Variants in FBXO42 observed in about 807,000 individuals in gnomAD.
The protein encoded by FBXO42 is F-box protein 42, also known as F-box only protein 42.
A neutral mutation model predicts 71.7 loss-of-function variants in FBXO42; 12 were observed. That is an observed-to-expected ratio of 0.17 (90% CI 0.11 to 0.27). The LOEUF is 0.27. FBXO42 is among the 10% of genes least tolerant of loss of function. The pLI is 1.00. For missense variants in FBXO42, 707 were observed against 911.9 expected (o/e 0.78, Z 2.89); for synonymous variants, 325 against 327.5 (o/e 0.99, Z 0.08).
rs370377403 is a variant in FBXO42, at chr1:16,250,717, A to C, written c.2107T>G (p.Tyr703Asp). 2 of 1,614,020 alleles carry C rather than the reference A, an allele frequency of 1.2e-6. No individual in the cohort carries two copies. The highest frequency in any genetic ancestry group is 2.7e-5 in the African/African-American group (2 of 74,898). Reference protein sequence around the residue: ...GLMDKKQNVKYYPKTNALYFV... With the variant: ...GLMDKKQNVKDYPKTNALYFV... ...TACAAGGCGTTTGTTTTTGGATAGT[A>C]CTTCACATTCTGTTTCTTGTCCATG... is the stretch of plus-strand genomic sequence containing the variant. The change falls in exon 10 of 10, where the codon TAC becomes GAC. Residue 703 changes from tyrosine (Y) to aspartate (D), a missense_variant. Physicochemically the swap from Tyr to Asp is radical, Grantham distance 160. Coordinates refer to ENST00000375592, the MANE Select transcript of FBXO42 (RefSeq NM_018994.3). The surrounding 1 kb of genome is among the most constrained non-coding windows in gnomAD (Gnocchi z 4.7).
chr1:16,279,972 G>A (rs1262510931), intron 4 of FBXO42, among the ~76,000 whole-genome samples: 1 of 151,344 alleles, frequency 6.6e-6, no homozygotes, highest in Non-Finnish European at 1.5e-5. Flanking sequence ...TCAGCCTCCT[G>A]GGTAGCTGGG....
At chr1:16,254,970 T>C (rs2081624646) in intron 6 of FBXO42, among the ~76,000 whole-genome samples, 1 of 152,242 alleles carries the variant, frequency 6.6e-6, no homozygotes, top group East Asian at 1.9e-4. Flanking sequence ...GCCCTTTACA[T>C]GTGGCTCAAC....
At chr1:16,268,887 A>G (rs1254424134) in intron 4 of FBXO42, among the ~76,000 whole-genome samples, 1 of 150,806 alleles carries the variant, frequency 6.6e-6, no homozygotes, top group Non-Finnish European at 1.5e-5. Flanking sequence ...CGGGAGGCTG[A>G]GACAGGAGAA....
intron 4 of FBXO42, among the ~76,000 whole-genome samples, chr1:16,263,395 A>T (rs948330910): frequency 6.6e-6 from 1 of 152,012 alleles, no homozygotes; most frequent in Non-Finnish European, 1.5e-5. Context: ...TTGAGCCAAG[A>T]TCACGTCACT....
chr1:16,292,415 C>A (rs1292172481), intron 4 of FBXO42: 1 of 152,224 alleles, frequency 6.6e-6, no homozygotes, highest in Admixed American at 6.5e-5. Flanking sequence ...CTCACCCTCC[C>A]AAGTATCTGG....
Position 16,247,313 on chromosome 1 carries a change from T to C in FBXO42, c.*3357A>G, listed in dbSNP as rs991521180. On this transcript the variant is annotated 3_prime_UTR_variant, in exon 10 of 10. Coordinates refer to ENST00000375592, the MANE Select transcript of FBXO42 (RefSeq NM_018994.3). Reference sequence around the variant, plus strand: ...TGACTTGTGCGCTGGTAAGAGACCATGGATAATGCAAAGTGGAGCATATCA... The same window carrying C: ...TGACTTGTGCGCTGGTAAGAGACCACGGATAATGCAAAGTGGAGCATATCA... 1 of 152,174 alleles carries C rather than the reference T, an allele frequency of 6.6e-6. No homozygotes were observed. The highest frequency in any genetic ancestry group is 1.5e-5 in the Non-Finnish European group (1 of 68,086). 9.4% of individuals were successfully genotyped at this position (152,174 alleles called of 1,614,324 possible).
At position 16,251,718 on chromosome 1, in the gene FBXO42, T is replaced by C. The variant is rs1398208456; in HGVS notation, c.1106A>G (p.Asn369Ser). 1.9e-6 allele frequency: 3 copies of C among 1,613,174 alleles called. No individual in the cohort carries two copies. The highest frequency in any genetic ancestry group is 1.7e-5 in the Admixed American group (1 of 59,896). The change falls in exon 10 of 10, where the codon AAC becomes AGC. Residue 369 changes from asparagine to serine, a missense_variant. Physicochemically the swap from Asn to Ser is conservative, Grantham distance 46. Transcript: ENST00000375592. The surrounding 1 kb of genome is among the most constrained non-coding windows in gnomAD (Gnocchi z 4.5). ...GGCACTGATAGGTGATGGGCGAGAG[T>C]TCAAACTGGGGCTGAGTGGGGCTCT... ...SGRAPLSPSL[N>S]SRPSPISATP...
At chr1:16,311,810 T>C (rs1332968458) in intron 2 of FBXO42, among the ~76,000 whole-genome samples, 1 of 152,072 alleles carries the variant, frequency 6.6e-6, no homozygotes, top group Non-Finnish European at 1.5e-5. Context: ...GGCAGTTCCT[T>C]ACAAAACTAA....
intron 2 of FBXO42, among the ~76,000 whole-genome samples, chr1:16,314,387 T>C (rs1235103263): frequency 6.6e-6 from 1 of 152,224 alleles, no homozygotes; most frequent in Non-Finnish European, 1.5e-5. Context: ...AATAAGAGCA[T>C]GGACTTTAAA....
chr1:16,313,910 T>C (rs1420191855), intron 2 of FBXO42, among the ~76,000 whole-genome samples: 1 of 152,138 alleles, frequency 6.6e-6, no homozygotes, highest in African/African-American at 2.4e-5. Context: ...AAATACAGCA[T>C]GTCTAGCACC....
At chr1:16,342,383 C>T (rs1257781921) in intron 1 of FBXO42, among the ~76,000 whole-genome samples, 4 of 125,586 alleles carry the variant, frequency 3.2e-5, no homozygotes, top group African/African-American at 1.2e-4. Flanking sequence ...GCAAGAAGAG[C>T]GAAACTCTGT....
chr1:16,325,557 A>G (rs1166334420), intron 1 of FBXO42, among the ~76,000 whole-genome samples: 2 of 152,224 alleles, frequency 1.3e-5, no homozygotes, highest in Non-Finnish European at 2.9e-5. Context: ...TGGTGAACTC[A>G]TTAGTGTGCT....
chr1:16,288,940 A>AGC (rs1230380272), intron 4 of FBXO42, among the ~76,000 whole-genome samples: 1 of 151,330 alleles, frequency 6.6e-6, no homozygotes, highest in Admixed American at 6.6e-5. Context: ...CCTGGGTGAT[A>AGC]GAGTGAGACT....
rs115204742 is a variant in FBXO42, at chr1:16,335,002, G to A, written c.-18+17253C>T. On this transcript the variant is annotated intron_variant, in intron 1 of 9. Transcript: ENST00000375592. ...AGCACTGTGGGAAGCCAAGGTGGGC[G>A]AATAGCTTGAGCCCAAGAGTTCAAC... Among the ~76,000 whole-genome samples, 907 of 121,066 alleles carry A rather than the reference G, an allele frequency of 7.5e-3. 7 individuals are homozygous for A. The highest frequency in any genetic ancestry group is 0.028 in the African/African-American group (867 of 31,220). 79.4% of individuals were successfully genotyped at this position (121,066 alleles called of 152,430 possible).
chr1:16,279,832 T>C (rs55769277), intron 4 of FBXO42, among the ~76,000 whole-genome samples: 40,541 of 148,184 alleles, frequency 0.27, 6,427 homozygotes, highest in Non-Finnish European at 0.37. Context: ...TGAAAAATCA[T>C]GTTGACAATG....
intron 4 of FBXO42, among the ~76,000 whole-genome samples, chr1:16,261,867 G>A (rs895113418): frequency 6.6e-6 from 1 of 151,320 alleles, no homozygotes; most frequent in African/African-American, 2.5e-5. Flanking sequence ...CCATGCTCAA[G>A]CTAATTTTTT....
At chr1:16,290,471 C>A (rs563641451) in intron 4 of FBXO42, among the ~76,000 whole-genome samples, 5 of 152,152 alleles carry the variant, frequency 3.3e-5, no homozygotes, top group African/African-American at 1.2e-4. Context: ...GTGGGTGGAT[C>A]ACCTGAGGTC....
At chr1:16,296,935 C>T (rs987800854) in intron 3 of FBXO42, among the ~76,000 whole-genome samples, 3 of 142,518 alleles carry the variant, frequency 2.1e-5, no homozygotes, top group Admixed American at 7.1e-5. Context: ...GCACCCCCCA[C>T]CCCCCGCTTT....
intron 5 of FBXO42, 52 bp downstream of exon 5, chr1:16,256,554 C>T: frequency 6.4e-7 from 1 of 1,574,076 alleles, no homozygotes; most frequent in Non-Finnish European, 8.7e-7. Context: ...AAAGAATCCA[C>T]TGATTTAAGG....
Sources: gnomAD v4.1 joint callset for allele counts (sites outside exome capture counted in the v4.1 genomes callset) on GRCh38, gnomAD v4.1.1 for gene constraint, Gnocchi (gnomAD v3.1) non-coding constraint, MANE v1.5 for transcripts, NCBI Gene and HGNC (gene_info 2026-07-23, HGNC 2026-07-21) for gene names.